The following THSD7B variants were observed in gnomAD, a reference collection of about 807,000 sequenced individuals.
The protein encoded by THSD7B is thrombospondin type 1 domain containing 7B.
THSD7B carries 138 observed loss-of-function variants against 213.6 expected under a neutral mutation model. That is an observed-to-expected ratio of 0.65 (90% CI 0.56 to 0.74). The LOEUF (loss-of-function observed/expected upper bound fraction) is 0.74, where lower values mean the gene tolerates loss of function less well. THSD7B is among the 30% of genes least tolerant of loss of function. The probability of loss-of-function intolerance (pLI) is 0.00; values close to 1 mark genes in which losing one functional copy is unlikely to be tolerated. For missense variants in THSD7B, 1,931 were observed against 1,991.5 expected, an observed-to-expected ratio of 0.97 and a Z score of 0.58; for synonymous variants, 742 against 687.0, an observed-to-expected ratio of 1.08 and a Z score of -1.25.
intron 16 of THSD7B, among the ~76,000 whole-genome samples, chr2:137,568,149 T>C (rs1053839676): frequency 6.6e-6 from 1 of 152,158 alleles, no homozygotes; most frequent in African/African-American, 2.4e-5. Context: ...AAGAGGTTTC[T>C]CTGGAATGGT....
At chr2:137,618,290 G>A (rs987612392) in intron 18 of THSD7B, 102 bp from the exon 19 acceptor site, 2 of 862,720 alleles carry the variant, frequency 2.3e-6, no homozygotes, top group African/African-American at 3.4e-5. Flanking sequence ...TTAGGATTAT[G>A]TGTGGATTAT....
At chr2:136,775,158 G>A (rs1194979192) in intron 1 of THSD7B, among the ~76,000 whole-genome samples, 1 of 152,158 alleles carries the variant, frequency 6.6e-6, no homozygotes, top group East Asian at 1.9e-4. Flanking sequence ...AGCACAGAAG[G>A]CATCTTACTC....
At chr2:137,254,119 C>A (rs16838457) in intron 10 of THSD7B, among the ~76,000 whole-genome samples, 2,163 of 152,130 alleles carry the variant, frequency 0.014, 22 homozygotes, top group Middle Eastern at 0.024. Flanking sequence ...AAAAATCAGC[C>A]CTGGATAGTC....
chr2:137,460,675 G>A (rs1263334739), intron 15 of THSD7B, among the ~76,000 whole-genome samples: 1 of 151,990 alleles, frequency 6.6e-6, no homozygotes, highest in Non-Finnish European at 1.5e-5. Flanking sequence ...AACTTCCCAT[G>A]AGTGTGTAAT....
rs551015545 is a variant in THSD7B at position 137,341,816 on chromosome 2, G to A, written c.2501-63797G>A. ...ATTTATGGACTCTCTATTTTGTTCC[G>A]TTGGTTAATGTGTCTTTCTTTTTTC... On this transcript the variant is annotated intron_variant, in intron 12 of 27. Coordinates refer to ENST00000409968, the MANE Select transcript of THSD7B (RefSeq NM_001316349.2). Among the ~76,000 whole-genome samples the A allele has an allele frequency of 2.4e-4, 37 of 151,622 alleles. 1 individual carries two copies. The South Asian group carries it at 6.0e-3, about 25-fold the overall frequency.
intron 1 of THSD7B, among the ~76,000 whole-genome samples, chr2:136,808,214 A>T (rs548276842): frequency 6.6e-6 from 1 of 152,378 alleles, no homozygotes; most frequent in Non-Finnish European, 1.5e-5. Context: ...CTAATGTGGT[A>T]TAGTGCTTAT....
intron 3 of THSD7B, among the ~76,000 whole-genome samples, chr2:137,076,698 G>C (rs2104899196): frequency 6.6e-6 from 1 of 152,290 alleles, no homozygotes; most frequent in East Asian, 1.9e-4. Context: ...GGGAGCTGTA[G>C]ACCGGAGCTG....
chr2:137,670,373 A>T (rs1683535970), intron 27 of THSD7B, among the ~76,000 whole-genome samples: 1 of 152,146 alleles, frequency 6.6e-6, no homozygotes, highest in Non-Finnish European at 1.5e-5. Flanking sequence ...GAGCCCAAAA[A>T]ACTCTTTCAA....
In THSD7B at chr2:137,450,933, T is replaced by C; in HGVS notation, c.3048T>C (p.Cys1016=). The stretch of plus-strand genomic sequence containing the variant: ...GTTGGGGGTCTTGCAGTTCATCTTG[T>C]GGAATTGGAGTGAGAATTCGATCCA... The part of the protein sequence containing the change: ...WSSWGSCSSS[C]GIGVRIRSKW... The change falls in exon 15 of 28, where the codon TGT becomes TGC. Residue 1016 remains cysteine (C), a synonymous_variant. Transcript: ENST00000409968. The C allele has an allele frequency of 6.2e-7, 1 of 1,613,670 alleles. No individual in the cohort carries two copies. The highest frequency in any genetic ancestry group is 8.5e-7 in the Non-Finnish European group (1 of 1,179,716).
At chr2:137,438,595 G>T (rs1483671240) in intron 14 of THSD7B, among the ~76,000 whole-genome samples, 1 of 152,068 alleles carries the variant, frequency 6.6e-6, no homozygotes, top group Non-Finnish European at 1.5e-5. Context: ...GGCTGGGGTT[G>T]ACCTGCAATA....
intron 7 of THSD7B, among the ~76,000 whole-genome samples, chr2:137,223,872 GGTT>G (rs1391115783): frequency 5.3e-5 from 8 of 152,126 alleles, no homozygotes; most frequent in Non-Finnish European, 8.8e-5. Context: ...CATGTGATGT[GGTT>G]GTTTAAAAGT....
intron 9 of THSD7B, among the ~76,000 whole-genome samples, chr2:137,238,534 CTTTTTTTT>C (rs869146863): frequency 3.1e-4 from 16 of 51,876 alleles, no homozygotes; most frequent in Admixed American, 1.4e-3. Flanking sequence ...ACTCATCTTT[CTTTTTTTT>C]TTTTTTTTTT....
chr2:137,398,657 G>T (rs1408303093), intron 12 of THSD7B, among the ~76,000 whole-genome samples: 2 of 152,102 alleles, frequency 1.3e-5, no homozygotes, highest in Non-Finnish European at 2.9e-5. Context: ...GCCTACAGAG[G>T]CAGGCAGGCC....
intron 2 of THSD7B, among the ~76,000 whole-genome samples, chr2:136,947,063 C>T (rs1250241611): frequency 6.6e-6 from 1 of 152,210 alleles, no homozygotes; most frequent in East Asian, 1.9e-4. Context: ...CCATCTTTTG[C>T]ATCAATCACG....
At chr2:137,279,112 C>G (rs192310983) in intron 12 of THSD7B, among the ~76,000 whole-genome samples, 1 of 152,008 alleles carries the variant, frequency 6.6e-6, no homozygotes, top group East Asian at 1.9e-4. Flanking sequence ...ACATGAAGTA[C>G]CCATTAGAAG....
chr2:136,794,801 A>G (rs1387318512), intron 1 of THSD7B, among the ~76,000 whole-genome samples: 1 of 151,856 alleles, frequency 6.6e-6, no homozygotes, highest in Non-Finnish European at 1.5e-5. Flanking sequence ...AAAATCTCCA[A>G]TGATGATAGT....
At chr2:137,538,049 G>C (rs77879375) in intron 15 of THSD7B, among the ~76,000 whole-genome samples, 1 of 151,682 alleles carries the variant, frequency 6.6e-6, no homozygotes, top group Non-Finnish European at 1.5e-5. Context: ...CCAAGAGTTA[G>C]TCTGGTCTAT....
At chr2:136,831,717 A>G (rs1682759079) in intron 1 of THSD7B, among the ~76,000 whole-genome samples, 1 of 152,236 alleles carries the variant, frequency 6.6e-6, no homozygotes, top group Non-Finnish European at 1.5e-5. Flanking sequence ...TTAGAGTTGA[A>G]TGGTTTTAGA....
intron 2 of THSD7B, among the ~76,000 whole-genome samples, chr2:137,023,901 C>G (rs777979908): frequency 3.2e-4 from 48 of 150,910 alleles, no homozygotes; most frequent in Non-Finnish European, 6.5e-4. Context: ...ATGAACAAGA[C>G]ATTTCTCTTC....
Sources: gnomAD v4.1 joint callset for allele counts (sites outside exome capture counted in the v4.1 genomes callset) on GRCh38, gnomAD v4.1.1 for gene constraint, MANE v1.5 for transcripts, NCBI Gene and HGNC (gene_info 2026-07-23, HGNC 2026-07-21) for gene names.